Variants in PCDHGB6 observed in about 807,000 individuals in gnomAD.
The protein encoded by PCDHGB6 is protocadherin gamma subfamily B, 6, also known as protocadherin gamma-B6.
PCDHGB6 carries 51 observed loss-of-function variants against 59.1 expected under a neutral mutation model. That is an observed-to-expected ratio of 0.86 (90% CI 0.69 to 1.09). The LOEUF is 1.09. Among genes scored for constraint, PCDHGB6 ranks in the 50% least tolerant of loss-of-function variants. The pLI, the probability that PCDHGB6 is intolerant of heterozygous loss-of-function variation, is 0.00. For synonymous variants in PCDHGB6, 466 were observed against 495.1 expected (o/e 0.94, Z 0.78); for missense variants, 1,148 against 1,205.1 (o/e 0.95, Z 0.70).
chr5:141,458,990 C>T (rs2098958778), intron 1 of PCDHGB6, among the ~76,000 whole-genome samples: 1 of 152,212 alleles, frequency 6.6e-6, no homozygotes, highest in Non-Finnish European at 1.5e-5. Context: ...GCCTCACCCT[C>T]CCAAAGTGCT....
intron 1 of PCDHGB6, among the ~76,000 whole-genome samples, chr5:141,456,059 G>A (rs1200043527): frequency 1.3e-5 from 2 of 151,662 alleles, no homozygotes; most frequent in Non-Finnish European, 1.5e-5. Flanking sequence ...CACCACGTCC[G>A]GCTAATTTTT....
intron 1 of PCDHGB6, among the ~76,000 whole-genome samples, chr5:141,437,364 T>G (rs1026384836): frequency 6.6e-6 from 1 of 152,232 alleles, no homozygotes; most frequent in Non-Finnish European, 1.5e-5. Context: ...AAAATTGGAA[T>G]GTAATCAGTC....
chr5:141,485,601 G>T lies in PCDHGB6; in HGVS notation c.2419-9206G>T, dbSNP rs762783104. On this transcript the variant is annotated intron_variant, in intron 1 of 3. Transcript: ENST00000520790. The surrounding 1 kb of genome is among the most constrained non-coding windows in gnomAD (Gnocchi z 5.7). ...CGGCAGCAGCTGGACTTGGAAATTG[G>T]GGAGGCAGCTCCTCCAGGACAGCGT... The T allele has an allele frequency of 3.1e-6, 5 of 1,612,290 alleles. No individual in the cohort carries two copies. Among genetic ancestry groups the T allele is most frequent in the Non-Finnish European group, 4.2e-6 (5 of 1,178,722 alleles).
chr5:141,479,057 T>A (rs2099487107), intron 1 of PCDHGB6, among the ~76,000 whole-genome samples: 1 of 152,234 alleles, frequency 6.6e-6, no homozygotes, highest in East Asian at 1.9e-4. Context: ...TCTCAGATAA[T>A]TTTTTATGAA....
intron 1 of PCDHGB6, chr5:141,423,357 C>T: frequency 6.2e-7 from 1 of 1,614,214 alleles, no homozygotes; most frequent in Non-Finnish European, 8.5e-7. Context: ...TCTTTGTCAT[C>T]GTGCTGCTGG....
At chr5:141,492,312 C>T (rs1470136040) in intron 1 of PCDHGB6, among the ~76,000 whole-genome samples, 2 of 152,348 alleles carry the variant, frequency 1.3e-5, no homozygotes, top group African/African-American at 4.8e-5. Flanking sequence ...CGCACGCACT[C>T]CTCGCACGTG....
intron 1 of PCDHGB6, chr5:141,418,952 G>T: frequency 1.9e-6 from 3 of 1,614,050 alleles, no homozygotes; most frequent in Non-Finnish European, 2.5e-6. Context: ...TCCAGGAGTG[G>T]TTGTTGCCCT....
At position 141,487,534 on chromosome 5, in the gene PCDHGB6, G is replaced by T; in HGVS notation, c.2419-7273G>T. The T allele has an allele frequency of 6.2e-7, 1 of 1,614,174 alleles. No homozygotes were observed. The highest frequency in any genetic ancestry group is 8.5e-7 in the Non-Finnish European group (1 of 1,180,034). ...CCACTCGGAGTGATAGCTTCATGAT[G>T]GTGAAGTCACCCAGTGCACCTATGG... On this transcript the variant is annotated intron_variant, in intron 1 of 3. Coordinates refer to ENST00000520790, the MANE Select transcript of PCDHGB6 (RefSeq NM_018926.3). This position sits in a 1 kb window ranked among gnomAD's most constrained non-coding sequence, Gnocchi z 5.0.
chr5:141,413,139 C>A, intron 1 of PCDHGB6: 1 of 1,553,028 alleles, frequency 6.4e-7, no homozygotes. Context: ...ACAACGTGTC[C>A]AGTGAGGACT....
At chr5:141,441,962 G>A in intron 1 of PCDHGB6, 1 of 313,768 alleles carries the variant, frequency 3.2e-6, no homozygotes, top group Admixed American at 4.1e-5. Context: ...AGCAAGCCCA[G>A]GCTCTTCAGC....
rs2095055859 is a variant in PCDHGB6, at chr5:141,408,192, C to A, written c.-11C>A. The A allele has an allele frequency of 6.5e-7, 1 of 1,545,004 alleles. No individual in the cohort carries two copies. The highest frequency in any genetic ancestry group is 1.2e-5 in the South Asian group (1 of 83,694). ...GGAAAAGCGGGGACCCAGCGAGAAC[C>A]CGAGCGAACGATGGGAGGGAGCTGC... On this transcript the variant is annotated 5_prime_UTR_variant, in exon 1 of 4. Transcript: ENST00000520790.
rs1412265811 is a variant in PCDHGB6, at chr5:141,461,565, A to G, written c.2419-33242A>G. Among the ~76,000 whole-genome samples the G allele has an allele frequency of 2.6e-5, 4 of 152,178 alleles. No individual in the cohort carries two copies. The East Asian group carries it at 7.7e-4, about 29-fold the overall frequency. On this transcript the variant is annotated intron_variant, in intron 1 of 3. Coordinates refer to ENST00000520790, the MANE Select transcript of PCDHGB6 (RefSeq NM_018926.3). ...CCTTTGTCAGATGTGTACTTTGCAA[A>G]GATAATATTTTGGATGTTATATTTC...
At position 141,476,242 on chromosome 5, in the gene PCDHGB6, G is replaced by A. The variant is rs369923405; in HGVS notation, c.2419-18565G>A. The A allele has an allele frequency of 6.2e-6, 10 of 1,614,100 alleles. No individual in the cohort carries two copies. The highest frequency in any genetic ancestry group is 8.5e-6 in the Non-Finnish European group (10 of 1,180,026). The stretch of plus-strand genomic sequence containing the variant: ...ACTATGAGATCCCGGAGGAAAGAGA[G>A]AAGGGTTTCGCTGTGGGCAACGTGG... On this transcript the variant is annotated intron_variant, in intron 1 of 3. Transcript: ENST00000520790. This position sits in a 1 kb window ranked among gnomAD's most constrained non-coding sequence, Gnocchi z 7.6.
Position 141,408,314 on chromosome 5 carries a change from C to A in PCDHGB6, c.112C>A (p.Pro38Thr), listed in dbSNP as rs1408322838. 1.2e-6 allele frequency: 2 copies of A among 1,613,846 alleles called. No individual in the cohort carries two copies. Among genetic ancestry groups the A allele is most frequent in the Admixed American group, 3.3e-5 (2 of 60,020 alleles). ...TLSEPIRYSI[P>T]EELAKGSVVG... Reference sequence around the variant, plus strand: ...GAGTGAGCCGATCCGCTACTCGATTCCGGAGGAGCTGGCCAAGGGCTCGGT... The same window carrying A: ...GAGTGAGCCGATCCGCTACTCGATTACGGAGGAGCTGGCCAAGGGCTCGGT... Residue 38 changes from proline to threonine, a missense_variant, in exon 1 of 4, where the codon CCG (proline) becomes ACG (threonine). Transcript: ENST00000520790.
In PCDHGB6 at chr5:141,433,322, T is replaced by A. The variant is rs907709272; in HGVS notation, c.2418+22702T>A. On this transcript the variant is annotated intron_variant, in intron 1 of 3. Transcript: ENST00000520790. ...AATTATCCCACCTTTGCCTCCGGTGTAACAGGGACTACAGGTGCAAGCCAC... is the reference window on the plus strand; with the variant it reads ...AATTATCCCACCTTTGCCTCCGGTGAAACAGGGACTACAGGTGCAAGCCAC... The A allele has an allele frequency of 5.3e-6, 4 of 760,298 alleles. No homozygotes were observed. In the African/African-American group the frequency reaches 7.1e-5, roughly 13 times the overall value. The allele number at this position is 760,298 out of a possible 1,614,324, so 47.1% of individuals were successfully genotyped here.
At chr5:141,479,535 G>A (rs539785154) in intron 1 of PCDHGB6, 2 of 152,378 alleles carry the variant, frequency 1.3e-5, no homozygotes, top group Non-Finnish European at 2.9e-5. Context: ...AAGTGGAGAA[G>A]GTCAAAACTG....
At chr5:141,447,884 G>A (rs1324802340) in intron 1 of PCDHGB6, among the ~76,000 whole-genome samples, 1 of 152,024 alleles carries the variant, frequency 6.6e-6, no homozygotes, top group Non-Finnish European at 1.5e-5. Context: ...TCAGGAGTTC[G>A]AGACCAGCCT....
At chr5:141,428,019 G>C in intron 1 of PCDHGB6, 1 of 1,604,824 alleles carries the variant, frequency 6.2e-7, no homozygotes, top group Non-Finnish European at 8.5e-7. Flanking sequence ...AGTGCCACGC[G>C]CCGCAGAGTC....
At chr5:141,451,779 G>T (rs1284464259) in intron 1 of PCDHGB6, among the ~76,000 whole-genome samples, 1 of 152,070 alleles carries the variant, frequency 6.6e-6, no homozygotes, top group Non-Finnish European at 1.5e-5. Flanking sequence ...TACTCAGGAG[G>T]CTGAGGCCAG....
Sources: gnomAD v4.1 joint callset for allele counts (sites outside exome capture counted in the v4.1 genomes callset) on GRCh38, gnomAD v4.1.1 for gene constraint, Gnocchi (gnomAD v3.1) non-coding constraint, MANE v1.5 for transcripts, NCBI Gene and HGNC (gene_info 2026-07-23, HGNC 2026-07-21) for gene names.